NEK10: variants seen among roughly 807,000 people sequenced by gnomAD.
The protein encoded by NEK10 is serine/threonine-protein kinase Nek10.
NEK10 carries 122 observed loss-of-function variants against 159.8 expected under a neutral mutation model. That is an observed-to-expected ratio of 0.76 (90% confidence interval 0.66 to 0.89). NEK10 has a LOEUF of 0.89. NEK10 is among the 40% of genes least tolerant of loss of function. The pLI is 0.00. For synonymous variants in NEK10, 466 were observed against 457.1 expected (o/e 1.02, Z -0.25); for missense variants, 1,342 against 1,323.1 (o/e 1.01, Z -0.22).
chr3:27,246,486 T>C (rs1955076442), intron 23 of NEK10, among the ~76,000 whole-genome samples: 1 of 152,180 alleles, frequency 6.6e-6, no homozygotes, highest in Non-Finnish European at 1.5e-5. Flanking sequence ...GACACAGGCA[T>C]GCAATGAATA....
intron 13 of NEK10, among the ~76,000 whole-genome samples, chr3:27,300,730 T>C (rs960703401): frequency 2.0e-5 from 3 of 152,152 alleles, no homozygotes; most frequent in Non-Finnish European, 4.4e-5. Context: ...GAATGATTGC[T>C]AGAAACACTC....
At chr3:27,200,679 A>G (rs1949968179) in intron 25 of NEK10, among the ~76,000 whole-genome samples, 1 of 152,202 alleles carries the variant, frequency 6.6e-6, no homozygotes, top group Non-Finnish European at 1.5e-5. Flanking sequence ...ATGCACATGT[A>G]TAATATGTCA....
At chr3:27,118,539 G>A (rs73153167) in intron 33 of NEK10, among the ~76,000 whole-genome samples, 12,173 of 152,238 alleles carry the variant, frequency 0.08, 1,597 homozygotes, top group African/African-American at 0.28. Context: ...GGCAGGCTCT[G>A]CTGTTTTTGC....
chr3:27,117,054 A>C (rs1940559815), intron 33 of NEK10, among the ~76,000 whole-genome samples: 1 of 151,868 alleles, frequency 6.6e-6, no homozygotes, highest in African/African-American at 2.4e-5. Context: ...TTCAGCTCCC[A>C]CTTATAAATG....
At chr3:27,324,171 A>G (rs1156737972) in intron 5 of NEK10, among the ~76,000 whole-genome samples, 1 of 152,160 alleles carries the variant, frequency 6.6e-6, no homozygotes, top group African/African-American at 2.4e-5. Context: ...AACAATTTCT[A>G]TTTTGTCGCT....
intron 30 of NEK10, among the ~76,000 whole-genome samples, chr3:27,148,203 G>A (rs1447747015): frequency 1.3e-5 from 2 of 152,172 alleles, no homozygotes; most frequent in Non-Finnish European, 2.9e-5. Flanking sequence ...GGGAACTGCT[G>A]TAGCAACCAT....
chr3:27,255,136 A>G (rs1956047392), intron 23 of NEK10: 1 of 161,048 alleles, frequency 6.2e-6, no homozygotes, highest in South Asian at 1.6e-4. Flanking sequence ...TTTATTGTTT[A>G]TTTTATAAAA....
chr3:27,258,618 T>C (rs1358279198), intron 22 of NEK10, among the ~76,000 whole-genome samples: 5 of 152,198 alleles, frequency 3.3e-5, no homozygotes, highest in Admixed American at 1.3e-4. Context: ...CAGTCTATCA[T>C]TGTTGGACAT....
chr3:27,215,667 G>T, intron 23 of NEK10: 1 of 607,340 alleles, frequency 1.6e-6, no homozygotes. Context: ...ATCCGTTCTT[G>T]CACTACTACA....
At position 27,366,807 on chromosome 3, in the gene NEK10, A is replaced by ATTTTTTT. The variant is rs3060370; in HGVS notation, c.-38+2411_-38+2417dup. On this transcript the variant is annotated intron_variant, in intron 1 of 35. Coordinates refer to ENST00000691995, the MANE Select transcript of NEK10 (RefSeq NM_001394966.1). ...CACAGCTCTAGACTTCAGTGTGTTC[A>ATTTTTTT]TTTTTTTTTTTTTTTTTTTTTGAGA... Among the ~76,000 whole-genome samples, 2 of 109,530 alleles carry ATTTTTTT rather than the reference A, an allele frequency of 1.8e-5. 1 individual carries two copies. Among genetic ancestry groups the ATTTTTTT allele is most frequent in the African/African-American group, 7.0e-5 (2 of 28,580 alleles). 71.9% of individuals were successfully genotyped at this position (109,530 alleles called of 152,430 possible). A position where few individuals can be genotyped will look rare whatever the true frequency, so the allele number is the denominator to read the frequency against.
intron 30 of NEK10, among the ~76,000 whole-genome samples, chr3:27,153,876 T>C (rs1261386826): frequency 1.3e-5 from 2 of 152,060 alleles, no homozygotes; most frequent in Non-Finnish European, 2.9e-5. Flanking sequence ...AAACTGACAT[T>C]CTAAGGTCAC....
At chr3:27,308,385 A>T (rs1462322478) in intron 10 of NEK10, among the ~76,000 whole-genome samples, 1 of 152,214 alleles carries the variant, frequency 6.6e-6, no homozygotes, top group Non-Finnish European at 1.5e-5. Flanking sequence ...AACCATATAA[A>T]TTTATTTATT....
At chr3:27,237,672 G>T (rs946390806) in intron 23 of NEK10, among the ~76,000 whole-genome samples, 5 of 151,858 alleles carry the variant, frequency 3.3e-5, no homozygotes, top group Non-Finnish European at 7.4e-5. Context: ...GTGGGGTGAG[G>T]AAGGGTGGGA....
rs567092867 is a variant in NEK10, at chr3:27,118,973, C to T, written c.3190+787G>A. Among the ~76,000 whole-genome samples the T allele has an allele frequency of 3.9e-5, 6 of 152,314 alleles. No individual in the cohort carries two copies. The East Asian group carries it at 9.6e-4, about 24-fold the overall frequency. ...TCATTTAACTGTAAAATCTTCACTT[C>T]TATCCACTCCTCCAAGTGACATAGC... is the stretch of plus-strand genomic sequence containing the variant. On this transcript the variant is annotated intron_variant, in intron 33 of 35. Coordinates refer to ENST00000691995, the MANE Select transcript of NEK10 (RefSeq NM_001394966.1).
intron 22 of NEK10, among the ~76,000 whole-genome samples, chr3:27,275,079 C>A (rs4973867): frequency 0.26 from 39,050 of 152,048 alleles, 5,179 homozygotes; most frequent in Middle Eastern, 0.38. Flanking sequence ...CTATTTCCAA[C>A]TTTCACCTAA....
intron 23 of NEK10, chr3:27,206,478 A>G: frequency 3.7e-6 from 2 of 537,056 alleles, no homozygotes; most frequent in Non-Finnish European, 4.8e-6. Context: ...GCAATATTAG[A>G]AAAAATGGTT....
At position 27,171,803 on chromosome 3, in the gene NEK10, T is replaced by C. The variant is rs374190404; in HGVS notation, c.2831+16A>G. On this transcript the variant is annotated intron_variant, in intron 29 of 35. Coordinates refer to ENST00000691995, the MANE Select transcript of NEK10 (RefSeq NM_001394966.1). ...CAAAATCAAAAAATATTTCTAGGAG[T>C]TCAATTTGCACCTACCTTGTTTGGG... 1 of 1,612,138 alleles carries C rather than the reference T, an allele frequency of 6.2e-7. No homozygotes were observed. The highest frequency in any genetic ancestry group is 8.5e-7 in the Non-Finnish European group (1 of 1,179,462).
At chr3:27,172,333 CAAAAAAAAAA>C (rs57112652) in intron 28 of NEK10, among the ~76,000 whole-genome samples, 1 of 63,016 alleles carries the variant, frequency 1.6e-5, no homozygotes, top group Non-Finnish European at 2.9e-5. Flanking sequence ...GACCCCGTCT[CAAAAAAAAAA>C]AAAAAAAAAA....
At chr3:27,249,921 T>A (rs1955479235) in intron 23 of NEK10, among the ~76,000 whole-genome samples, 1 of 152,200 alleles carries the variant, frequency 6.6e-6, no homozygotes, top group African/African-American at 2.4e-5. Context: ...CCATGAAACT[T>A]GCAAATACTA....
Sources: gnomAD v4.1 joint callset for allele counts (sites outside exome capture counted in the v4.1 genomes callset) on GRCh38, gnomAD v4.1.1 for gene constraint, MANE v1.5 for transcripts, NCBI Gene and HGNC (gene_info 2026-07-23, HGNC 2026-07-21) for gene names.